NAV2: variants seen among roughly 807,000 people sequenced by gnomAD.
The protein encoded by NAV2 is neuron navigator 2.
A neutral mutation model predicts 223.2 loss-of-function variants in NAV2; 54 were observed. The observed-to-expected ratio is 0.24, with a 90% CI of 0.19 to 0.30. NAV2 has a LOEUF of 0.30. Among genes scored for constraint, NAV2 ranks in the 10% least tolerant of loss-of-function variants. The pLI, the probability that NAV2 is intolerant of heterozygous loss-of-function variation, is 1.00. For missense variants in NAV2, 2,806 were observed against 3,147.5 expected (o/e 0.89, Z 2.60); for synonymous variants, 1,279 against 1,239.3 (o/e 1.03, Z -0.67).
chr11:19,541,058 T>G (rs1317490421), intron 1 of NAV2, among the ~76,000 whole-genome samples: 1 of 152,230 alleles, frequency 6.6e-6, no homozygotes. Flanking sequence ...AGTATTTGTC[T>G]TTTTAAATGT....
At position 19,713,598 on chromosome 11, in the gene NAV2, A is replaced by G. The variant is rs2050020694; in HGVS notation, c.-98A>G. 3 of 1,434,986 alleles carry G rather than the reference A, an allele frequency of 2.1e-6. No homozygotes were observed. The highest frequency in any genetic ancestry group is 9.1e-7 in the Non-Finnish European group (1 of 1,093,068). 88.9% of individuals were successfully genotyped at this position (1,434,986 alleles called of 1,614,324 possible). On this transcript the variant is annotated 5_prime_UTR_variant, in exon 1 of 38. Transcript: ENST00000349880. This position sits in a 1 kb window ranked among gnomAD's most constrained non-coding sequence, Gnocchi z 7.2. ...GCTGGTGGTGGGCGCCTCGTGGGCT[A>G]AGGCCCGGCGCCTGCTCTGCTACCC...
chr11:19,381,440 G>T (rs1848833114), intron 1 of NAV2, among the ~76,000 whole-genome samples: 1 of 152,208 alleles, frequency 6.6e-6, no homozygotes, highest in Non-Finnish European at 1.5e-5. Context: ...ATATAGTCCA[G>T]GTGCTGGGGA....
chr11:19,692,496 T>C (rs946582307), intron 1 of NAV2, among the ~76,000 whole-genome samples: 53 of 152,250 alleles, frequency 3.5e-4, no homozygotes, highest in African/African-American at 1.2e-3. Context: ...TATAAGGATG[T>C]CCTGATTAAT....
chr11:19,356,893 C>A, intron 1 of NAV2, among the ~76,000 whole-genome samples: 1 of 152,236 alleles, frequency 6.6e-6, no homozygotes, highest in South Asian at 2.1e-4. Flanking sequence ...TTTAATGATG[C>A]TGGAAAAGTT....
chr11:19,679,439 AC>A (rs1565161495), intron 1 of NAV2, among the ~76,000 whole-genome samples: 2 of 148,596 alleles, frequency 1.3e-5, no homozygotes, highest in African/African-American at 4.9e-5. Context: ...TCAAAAAAAC[AC>A]AAAAAGATTT....
At chr11:19,520,438 T>C (rs1236685686) in intron 1 of NAV2, among the ~76,000 whole-genome samples, 4 of 152,226 alleles carry the variant, frequency 2.6e-5, no homozygotes, top group Admixed American at 2.6e-4. Flanking sequence ...GCCCACCTGA[T>C]TGTCTCTGCC....
intron 11 of NAV2, among the ~76,000 whole-genome samples, chr11:19,986,522 A>T (rs1207612659): frequency 2.0e-5 from 3 of 151,894 alleles, no homozygotes; most frequent in Non-Finnish European, 4.4e-5. Flanking sequence ...CGGGAGAGGG[A>T]GGCATGAGAA....
At chr11:19,953,402 C>T (rs189281918) in intron 10 of NAV2, among the ~76,000 whole-genome samples, 10 of 152,198 alleles carry the variant, frequency 6.6e-5, no homozygotes, top group Admixed American at 5.9e-4. Context: ...CTTCCCACTG[C>T]TCTAGGCTAC....
intron 10 of NAV2, among the ~76,000 whole-genome samples, chr11:19,971,550 G>A (rs2153428906): frequency 6.6e-6 from 1 of 152,212 alleles, no homozygotes; most frequent in African/African-American, 2.4e-5. Flanking sequence ...TTCCCCCCAT[G>A]TGAATGTATC....
chr11:19,599,224 G>C (rs1031478226), intron 1 of NAV2, among the ~76,000 whole-genome samples: 1 of 152,160 alleles, frequency 6.6e-6, no homozygotes, highest in Non-Finnish European at 1.5e-5. Context: ...CCAGTAATTT[G>C]CTTTTTTTCT....
intron 1 of NAV2, among the ~76,000 whole-genome samples, chr11:19,564,614 T>TGAGGG (rs2045207883): frequency 6.6e-6 from 1 of 151,888 alleles, no homozygotes; most frequent in African/African-American, 2.4e-5. Flanking sequence ...CGAGAGGGGC[T>TGAGGG]GAGGGGCGGG....
Position 20,018,332 on chromosome 11 carries a change from C to T in NAV2, c.2769-17627C>T, listed in dbSNP as rs568922453. 6.6e-3 allele frequency among the ~76,000 whole-genome samples: 771 copies of T among 117,174 alleles called. 8 individuals are homozygous for T. The highest frequency in any genetic ancestry group is 4.9e-3 in the Non-Finnish European group (308 of 62,412). 76.9% of individuals were successfully genotyped at this position (117,174 alleles called of 152,430 possible). A position where few individuals can be genotyped will look rare whatever the true frequency, so the allele number is the denominator to read the frequency against. Reference sequence around the variant, plus strand: ...TCGGCCCACTGCACTCCAGCCTGGGCGACAGAGTGAGATTCCATCTCAAAA... The same window carrying T: ...TCGGCCCACTGCACTCCAGCCTGGGTGACAGAGTGAGATTCCATCTCAAAA... On this transcript the variant is annotated intron_variant, in intron 11 of 37. Coordinates refer to ENST00000349880, the MANE Select transcript of NAV2 (RefSeq NM_145117.5).
chr11:19,651,374 C>T (rs1170208720), intron 1 of NAV2, among the ~76,000 whole-genome samples: 1 of 152,238 alleles, frequency 6.6e-6, no homozygotes, highest in Non-Finnish European at 1.5e-5. Context: ...GGGTACACTT[C>T]CCTTGGGACA....
At chr11:19,734,760 C>T (rs535641065) in intron 1 of NAV2, among the ~76,000 whole-genome samples, 6 of 152,314 alleles carry the variant, frequency 3.9e-5, no homozygotes, top group African/African-American at 1.4e-4. Flanking sequence ...TTAGGCTTCA[C>T]ACCAGCAGTG....
At chr11:19,517,070 T>A in intron 1 of NAV2, among the ~76,000 whole-genome samples, 1 of 150,334 alleles carries the variant, frequency 6.7e-6, no homozygotes, top group African/African-American at 2.5e-5. Context: ...AATAATACGA[T>A]GAAATGGGTT....
At chr11:20,028,884 C>T (rs1417246118) in intron 11 of NAV2, among the ~76,000 whole-genome samples, 1 of 152,120 alleles carries the variant, frequency 6.6e-6, no homozygotes. Context: ...GCCTCTATAC[C>T]AGAGTTTGCA....
At chr11:19,783,702 T>C (rs1029992509) in intron 1 of NAV2, among the ~76,000 whole-genome samples, 5 of 152,210 alleles carry the variant, frequency 3.3e-5, no homozygotes, top group African/African-American at 9.6e-5. Flanking sequence ...TATTGCTTTA[T>C]TTCTCTGAGC....
At chr11:19,376,502 G>C (rs1320970892) in intron 1 of NAV2, among the ~76,000 whole-genome samples, 1 of 152,222 alleles carries the variant, frequency 6.6e-6, no homozygotes, top group Non-Finnish European at 1.5e-5. Context: ...GTGAGCAGCA[G>C]AGCCTGGACT....
chr11:19,853,990 A>T (rs761903142), intron 3 of NAV2, among the ~76,000 whole-genome samples: 4 of 152,168 alleles, frequency 2.6e-5, no homozygotes, highest in Non-Finnish European at 5.9e-5. Context: ...TGTACTCAGG[A>T]AGGTTAAAGA....
Sources: allele counts gnomAD v4.1 joint callset (sites outside exome capture counted in the v4.1 genomes callset), GRCh38; gene constraint gnomAD v4.1.1; non-coding constraint Gnocchi (gnomAD v3.1); transcripts MANE v1.5; gene names NCBI Gene and HGNC (gene_info 2026-07-23, HGNC 2026-07-21).